The following LITAF variants were observed in gnomAD, a reference collection of about 807,000 sequenced individuals.
The protein encoded by LITAF is lipopolysaccharide-induced tumor necrosis factor-alpha factor.
In LITAF, 9 loss-of-function variants were observed where a neutral mutation model predicts 14.5. That is an observed-to-expected ratio of 0.62 (90% CI 0.37 to 1.08). The LOEUF is 1.08. Ranked by LOEUF, LITAF falls within the 50% of genes least tolerant of loss-of-function variation. The pLI is 0.01. For missense variants in LITAF, 206 were observed against 213.4 expected (o/e 0.97, Z 0.22); for synonymous variants, 98 against 88.2 (o/e 1.11, Z -0.62).
intron 3 of LITAF, among the ~76,000 whole-genome samples, chr16:11,626,408 A>ATCTCAGCTCACTGCAACCTCTGCC (rs559646770): frequency 0.023 from 3,467 of 152,094 alleles, 51 homozygotes; most frequent in Middle Eastern, 0.037. Context: ...CAGTGGTGCA[A>ATCTCAGCTCACTGCAACCTCTGCC]TCTCAGCTCA....
intron 1 of LITAF, among the ~76,000 whole-genome samples, chr16:11,571,023 G>A (rs887618106): frequency 5.9e-5 from 9 of 152,096 alleles, no homozygotes; most frequent in African/African-American, 2.2e-4. Context: ...CAAGACCATG[G>A]ATTTTCCCCA....
chr16:11,568,586 G>T (rs1161585946), intron 1 of LITAF, among the ~76,000 whole-genome samples: 2 of 151,982 alleles, frequency 1.3e-5, no homozygotes, highest in Non-Finnish European at 2.9e-5. Context: ...CCAGCCAACA[G>T]GTGTGGAGAA....
At chr16:11,563,714 C>A (rs60725683) in intron 1 of LITAF, among the ~76,000 whole-genome samples, 1 of 151,876 alleles carries the variant, frequency 6.6e-6, no homozygotes, top group Admixed American at 6.6e-5. Flanking sequence ...AATGATCAGC[C>A]GAGGATGGAA....
At chr16:11,609,855 G>C (rs149282335) in intron 3 of LITAF, among the ~76,000 whole-genome samples, 37 of 152,190 alleles carry the variant, frequency 2.4e-4, no homozygotes, top group Non-Finnish European at 3.4e-4. Context: ...AAAAGACCAG[G>C]CTTTCCTGGC....
chr16:11,637,564 C>T (rs2065142764), upstream of LITAF, among the ~76,000 whole-genome samples: 2 of 152,224 alleles, frequency 1.3e-5, no homozygotes, highest in African/African-American at 4.8e-5. Context: ...ACAGTGCCTG[C>T]CCATGAGGGG....
chr16:11,548,395 C>T lies in LITAF; in HGVS notation c.*1242G>A. On this transcript the variant is annotated 3_prime_UTR_variant, in exon 4 of 4. Transcript: ENST00000622633. ...AACTAAAATCAGACTTTAGATTCCT[C>T]TGAAACAGTTCTGGTTCCCAAGCAT... is the stretch of plus-strand genomic sequence containing the variant. The T allele has an allele frequency of 2.2e-6, 1 of 454,056 alleles. No homozygotes were observed. The highest frequency in any genetic ancestry group is 1.6e-5 in the South Asian group (1 of 64,462). The allele number at this position is 454,056 out of a possible 1,614,324, so 28.1% of individuals were successfully genotyped here.
intron 1 of LITAF, among the ~76,000 whole-genome samples, chr16:11,567,330 G>C (rs1205300215): frequency 6.6e-6 from 1 of 151,872 alleles, no homozygotes; most frequent in South Asian, 2.1e-4. Context: ...TGAGGCAGGA[G>C]AATTGCTTGA....
intron 1 of LITAF, among the ~76,000 whole-genome samples, chr16:11,570,936 G>A: frequency 6.6e-6 from 1 of 151,878 alleles, no homozygotes; most frequent in East Asian, 1.9e-4. Context: ...TGTAGAAAAA[G>A]GAAGCTGTTG....
intron 3 of LITAF, among the ~76,000 whole-genome samples, chr16:11,621,648 C>T (rs1404699357): frequency 3.9e-5 from 6 of 152,050 alleles, no homozygotes; most frequent in Non-Finnish European, 8.8e-5. Context: ...TCAGGAAGCA[C>T]AACCCACGTT....
intron 1 of LITAF, among the ~76,000 whole-genome samples, chr16:11,572,602 T>C (rs750486607): frequency 5.9e-5 from 9 of 152,124 alleles, no homozygotes; most frequent in Non-Finnish European, 1.3e-4. Context: ...CAGCCCCACG[T>C]AGTCATGAGA....
chr16:11,596,166 C>A (rs1397878775), intron 1 of LITAF, among the ~76,000 whole-genome samples: 1 of 152,120 alleles, frequency 6.6e-6, no homozygotes, highest in East Asian at 1.9e-4. Flanking sequence ...CATCCCAGAA[C>A]TGGCTAGGCC....
chr16:11,619,850 G>T (rs2065039660), intron 3 of LITAF, among the ~76,000 whole-genome samples: 1 of 151,910 alleles, frequency 6.6e-6, no homozygotes, highest in African/African-American at 2.4e-5. Context: ...TTGAATATTT[G>T]TCCCAGACCA....
intron 2 of LITAF, among the ~76,000 whole-genome samples, chr16:11,555,122 T>G (rs1412658456): frequency 6.6e-6 from 1 of 151,994 alleles, no homozygotes; most frequent in Non-Finnish European, 1.5e-5. Context: ...AGCCTCAACC[T>G]CCTGGGCTTA....
intron 3 of LITAF, among the ~76,000 whole-genome samples, chr16:11,625,526 G>C (rs2065078431): frequency 1.3e-5 from 2 of 152,120 alleles, no homozygotes; most frequent in African/African-American, 4.8e-5. Flanking sequence ...GCCTCCCAAA[G>C]TGCTGAGATT....
At chr16:11,622,742 T>G (rs2065058732) in intron 3 of LITAF, among the ~76,000 whole-genome samples, 1 of 152,094 alleles carries the variant, frequency 6.6e-6, no homozygotes, top group Admixed American at 6.6e-5. Context: ...GTGTGTTTAT[T>G]GTTCTGAACC....
At chr16:11,562,128 C>T (rs1160774785) in intron 1 of LITAF, among the ~76,000 whole-genome samples, 2 of 151,302 alleles carry the variant, frequency 1.3e-5, no homozygotes, top group Non-Finnish European at 1.5e-5. Context: ...GCTAAGCTGC[C>T]CAGGATGGTC....
At chr16:11,601,852 G>C (rs985791972), upstream of LITAF, among the ~76,000 whole-genome samples, 1 of 152,178 alleles carries the variant, frequency 6.6e-6, no homozygotes, top group African/African-American at 2.4e-5. Flanking sequence ...GAGCCACCCT[G>C]CCTGGCCTGT....
intron 3 of LITAF, among the ~76,000 whole-genome samples, chr16:11,608,728 C>T (rs1282868797): frequency 6.6e-6 from 1 of 152,100 alleles, no homozygotes; most frequent in Non-Finnish European, 1.5e-5. Context: ...TTTGGGAGGC[C>T]GAGGCAGGTG....
chr16:11,631,868 T>TTTTA (rs2065119902), intron 3 of LITAF, among the ~76,000 whole-genome samples: 1 of 150,982 alleles, frequency 6.6e-6, no homozygotes, highest in Non-Finnish European at 1.5e-5. Flanking sequence ...TTTTTTTTTT[T>TTTTA]GAGACGGAGT....
Sources: allele counts gnomAD v4.1 joint callset (sites outside exome capture counted in the v4.1 genomes callset), GRCh38; gene constraint gnomAD v4.1.1; transcripts MANE v1.5; gene names NCBI Gene and HGNC (gene_info 2026-07-23, HGNC 2026-07-21).